Variants in LONP2 observed in about 807,000 individuals in gnomAD.
The protein encoded by LONP2 is lon peptidase 2, peroxisomal, also known as lon protease homolog 2, peroxisomal.
A neutral mutation model predicts 85.6 loss-of-function variants in LONP2; 60 were observed. That is an observed-to-expected ratio of 0.70 (90% CI 0.57 to 0.87). LONP2 has a LOEUF of 0.87. Among genes scored for constraint, LONP2 ranks in the 40% least tolerant of loss-of-function variants. LONP2 has a pLI of 0.00. For synonymous variants in LONP2, 395 were observed against 389.7 expected (o/e 1.01, Z -0.16); for missense variants, 860 against 1,063.5 (o/e 0.81, Z 2.66).
intron 8 of LONP2, among the ~76,000 whole-genome samples, chr16:48,295,655 G>A (rs1972653003): frequency 1.3e-5 from 2 of 152,150 alleles, no homozygotes; most frequent in African/African-American, 2.4e-5. Context: ...TATTCCCATA[G>A]CAGTTTAGAT....
At chr16:48,262,893 T>G (rs780065968) in intron 6 of LONP2, 21 bp downstream of exon 6, 2 of 1,468,732 alleles carry the variant, frequency 1.4e-6, no homozygotes, top group Non-Finnish European at 1.9e-6. Context: ...AAATAACACC[T>G]GTTTTGCAGT....
At position 48,270,129 on chromosome 16, in the gene LONP2, C is replaced by T. The variant is rs1972072534; in HGVS notation, c.1096C>T (p.Leu366=). The part of the protein sequence containing the change: ...YLAVRQLKNN[L]KGPILCFVGP... ...GGCTGTCAGACAGCTCAAAAATAAC[C>T]TGAAGGGCCCAATCCTATGCTTTGT... The change falls in exon 7 of 15, where the codon CTG becomes TTG. Residue 366 remains leucine, a synonymous_variant. Coordinates refer to ENST00000285737, the MANE Select transcript of LONP2 (RefSeq NM_031490.5). 3 of 1,613,912 alleles carry T rather than the reference C, an allele frequency of 1.9e-6. No individual in the cohort carries two copies. The highest frequency in any genetic ancestry group is 1.7e-5 in the Admixed American group (1 of 59,982).
At chr16:48,283,383 G>A (rs993069598) in intron 8 of LONP2, among the ~76,000 whole-genome samples, 5 of 152,198 alleles carry the variant, frequency 3.3e-5, no homozygotes, top group Non-Finnish European at 5.9e-5. Context: ...CATGGCTAGA[G>A]AAGTCAGTAC....
rs1257610035 is a variant in LONP2 at position 48,307,173 on chromosome 16, G to T, written c.1795+3868G>T. Among the ~76,000 whole-genome samples, 3 of 152,280 alleles carry T rather than the reference G, an allele frequency of 2.0e-5. No homozygotes were observed. In the East Asian group the frequency reaches 5.8e-4, roughly 29 times the overall value. ...AAGCAGGTGAGATTTAGAATTGATC[G>T]ATCTGTGTTAGCGGAGGAACATTTA... On this transcript the variant is annotated intron_variant, in intron 11 of 14. Transcript: ENST00000285737.
At chr16:48,305,692 G>C (rs1015801535) in intron 11 of LONP2, among the ~76,000 whole-genome samples, 1 of 152,132 alleles carries the variant, frequency 6.6e-6, no homozygotes, top group Non-Finnish European at 1.5e-5. Flanking sequence ...ACATCAACTT[G>C]TTGTTCTCTA....
At chr16:48,332,292 A>G (rs1959478547) in intron 11 of LONP2, among the ~76,000 whole-genome samples, 1 of 152,196 alleles carries the variant, frequency 6.6e-6, no homozygotes, top group East Asian at 1.9e-4. Flanking sequence ...ATGTAGATAT[A>G]TTGCTGGACG....
chr16:48,250,570 G>A (rs1036627544), intron 1 of LONP2, among the ~76,000 whole-genome samples: 8 of 151,746 alleles, frequency 5.3e-5, no homozygotes, highest in African/African-American at 1.7e-4. Flanking sequence ...TCTCCTGATC[G>A]GAGATTTGGA....
chr16:48,280,168 G>A (rs1049907603), intron 8 of LONP2, among the ~76,000 whole-genome samples: 15 of 152,074 alleles, frequency 9.9e-5, no homozygotes, highest in Admixed American at 9.8e-4. Flanking sequence ...GTAAAATAGT[G>A]AACATTATTT....
intron 11 of LONP2, among the ~76,000 whole-genome samples, chr16:48,324,882 C>T (rs1025234637): frequency 7.2e-5 from 11 of 152,016 alleles, no homozygotes; most frequent in African/African-American, 2.4e-4. Flanking sequence ...AAAATCAAAT[C>T]AGGCTGTTTA....
At chr16:48,309,924 G>C (rs571024704) in intron 11 of LONP2, among the ~76,000 whole-genome samples, 10 of 151,862 alleles carry the variant, frequency 6.6e-5, no homozygotes, top group Admixed American at 5.9e-4. Context: ...CCCACATTTT[G>C]TATTGCTATC....
intron 14 of LONP2, 46 bp from the exon 15 acceptor site, chr16:48,351,535 C>A: frequency 6.6e-7 from 1 of 1,509,822 alleles, no homozygotes; most frequent in East Asian, 2.3e-5. Context: ...TTTCTTTCAG[C>A]TTGAGGGTGA....
At chr16:48,361,476 G>T, downstream of LONP2, 1 of 1,127,042 alleles carries the variant, frequency 8.9e-7, no homozygotes, top group Non-Finnish European at 1.3e-6. Flanking sequence ...CATGTGTCTA[G>T]CTTCCACCTA....
At chr16:48,297,943 C>G (rs1972711571) in intron 9 of LONP2, among the ~76,000 whole-genome samples, 1 of 152,162 alleles carries the variant, frequency 6.6e-6, no homozygotes, top group Non-Finnish European at 1.5e-5. Context: ...CATGATCCAC[C>G]CACCTTGGCC....
At chr16:48,327,251 C>A (rs1302384487) in intron 11 of LONP2, among the ~76,000 whole-genome samples, 1 of 152,138 alleles carries the variant, frequency 6.6e-6, no homozygotes, top group Non-Finnish European at 1.5e-5. Context: ...CCAATAATAC[C>A]TAGTAAAGAA....
chr16:48,334,165 T>C (rs1596994312), intron 11 of LONP2, 51 bp from the exon 12 acceptor site: 1 of 1,569,794 alleles, frequency 6.4e-7, no homozygotes, highest in South Asian at 1.1e-5. Flanking sequence ...TAGTGAATTT[T>C]CCAGCCTGCA....
At chr16:48,275,971 A>G (rs978814213) in intron 7 of LONP2, among the ~76,000 whole-genome samples, 2 of 152,204 alleles carry the variant, frequency 1.3e-5, no homozygotes, top group African/African-American at 4.8e-5. Context: ...TCAAAAAAGG[A>G]AAGGCAAATA....
intron 11 of LONP2, among the ~76,000 whole-genome samples, chr16:48,314,070 C>T (rs1973090954): frequency 6.6e-6 from 1 of 151,694 alleles, no homozygotes. Flanking sequence ...ATGTTGAGCT[C>T]TTTGTCCTAT....
rs1046268676 is a variant in LONP2, at chr16:48,355,906, A to G, written c.*4104A>G. On this transcript the variant is annotated 3_prime_UTR_variant, in exon 15 of 15. Transcript: ENST00000285737. The stretch of plus-strand genomic sequence containing the variant: ...TTTACCGGTATTCCACGTTTTATGC[A>G]TGGGTTTTTAAAACTTCTCAAGTAT... The G allele has an allele frequency of 6.6e-6, 1 of 152,300 alleles. No homozygotes were observed. The allele number at this position is 152,300 out of a possible 1,614,324, so 9.4% of individuals were successfully genotyped here.
chr16:48,250,138 C>T (rs1386590049), intron 1 of LONP2, among the ~76,000 whole-genome samples: 1 of 148,024 alleles, frequency 6.8e-6, no homozygotes, highest in Admixed American at 6.8e-5. Context: ...TGCAATAAGC[C>T]GAGATCACGC....
Sources: gnomAD v4.1 joint callset for allele counts (sites outside exome capture counted in the v4.1 genomes callset) on GRCh38, gnomAD v4.1.1 for gene constraint, MANE v1.5 for transcripts, NCBI Gene and HGNC (gene_info 2026-07-23, HGNC 2026-07-21) for gene names.